GALNT9: variants seen among roughly 807,000 people sequenced by gnomAD.
GALNT9 encodes the protein polypeptide N-acetylgalactosaminyltransferase 9, also known as GalNAc transferase 9.
A neutral mutation model predicts 63.1 loss-of-function variants in GALNT9; 47 were observed. That is an observed-to-expected ratio of 0.75 (90% CI 0.59 to 0.95). The LOEUF (loss-of-function observed/expected upper bound fraction) is 0.95, where lower values mean the gene tolerates loss of function less well. GALNT9 is among the 40% of genes least tolerant of loss of function. The pLI is 0.00. For missense variants in GALNT9, 829 were observed against 874.8 expected (o/e 0.95, Z 0.66); for synonymous variants, 396 against 365.7 (o/e 1.08, Z -0.94).
intron 1 of GALNT9, among the ~76,000 whole-genome samples, chr12:132,324,383 C>T (rs1450003861): frequency 1.3e-5 from 2 of 152,216 alleles, no homozygotes; most frequent in African/African-American, 4.8e-5. Flanking sequence ...CTGTGAGCTC[C>T]TACCTGGCCC....
chr12:132,240,700 A>G lies in GALNT9; in HGVS notation c.1077+7210T>C, dbSNP rs1172906695. The G allele has an allele frequency of 4.6e-5, 21 of 455,654 alleles. No homozygotes were observed. In the Admixed American group the frequency reaches 4.7e-4, roughly 10 times the overall value. The allele number at this position is 455,654 out of a possible 1,614,324, so 28.2% of individuals were successfully genotyped here. A position where few individuals can be genotyped will look rare whatever the true frequency, so the allele number is the denominator to read the frequency against. On this transcript the variant is annotated intron_variant, in intron 6 of 10. Coordinates refer to ENST00000328957, the MANE Select transcript of GALNT9 (RefSeq NM_001122636.2). ...TCCTCTTTTATTCTGTTTATAATTT[A>G]CCTTATCTTGCTGGAACCCTTCTGT...
At position 132,329,406 on chromosome 12, in the gene GALNT9, G is replaced by A. The variant is rs1869200249; in HGVS notation, c.-203C>T. 8.2e-6 allele frequency: 5 copies of A among 607,218 alleles called. No individual in the cohort carries two copies. Among genetic ancestry groups the A allele is most frequent in the Non-Finnish European group, 1.2e-5 (5 of 431,616 alleles). 37.6% of individuals were successfully genotyped at this position (607,218 alleles called of 1,614,324 possible). The stretch of plus-strand genomic sequence containing the variant: ...TCCCCCAGAGCGCAGAGGGCTGCCC[G>A]GGGCTGGGGTCGCGGGGCGCGGCCG... On this transcript the variant is annotated 5_prime_UTR_variant, in exon 1 of 11. Coordinates refer to ENST00000328957, the MANE Select transcript of GALNT9 (RefSeq NM_001122636.2).
At chr12:132,308,804 G>A (rs906198066) in intron 1 of GALNT9, among the ~76,000 whole-genome samples, 1 of 152,154 alleles carries the variant, frequency 6.6e-6, no homozygotes, top group Admixed American at 6.5e-5. Context: ...TCTGAGCCAC[G>A]TGTGCACCGG....
At chr12:132,228,665 A>G (rs1300760862) in intron 6 of GALNT9, among the ~76,000 whole-genome samples, 1 of 152,110 alleles carries the variant, frequency 6.6e-6, no homozygotes, top group African/African-American at 2.4e-5. Flanking sequence ...TCGAGGGTCC[A>G]GGAGGTGCCT....
Position 132,316,852 on chromosome 12 carries a change from C to T in GALNT9, c.238+12114G>A, listed in dbSNP as rs1347284779. 6.6e-6 allele frequency among the ~76,000 whole-genome samples: 1 copy of T among 151,918 alleles called. No homozygotes were observed. The highest frequency in any genetic ancestry group is 1.5e-5 in the Non-Finnish European group (1 of 67,950). ...CACCTGGGGAGGGGTGGGGCAGCTA[C>T]CAGCATCTAGTGGTTGGAGGCCAGG... On this transcript the variant is annotated intron_variant, in intron 1 of 10. Transcript: ENST00000328957. This position sits in a 1 kb window ranked among gnomAD's most constrained non-coding sequence, Gnocchi z 4.3.
chr12:132,213,005 C>G (rs541783995), intron 6 of GALNT9, among the ~76,000 whole-genome samples: 1 of 146,216 alleles, frequency 6.8e-6, no homozygotes. Context: ...GACCGTGACA[C>G]GGAAACCCCA....
At chr12:132,275,089 A>G (rs1880030653) in intron 2 of GALNT9, 1 of 152,450 alleles carries the variant, frequency 6.6e-6, no homozygotes, top group Non-Finnish European at 1.5e-5. Flanking sequence ...CCAGCCCGGC[A>G]TGCAGGGCAT....
At chr12:132,243,292 G>A in intron 6 of GALNT9, among the ~76,000 whole-genome samples, 1 of 134,932 alleles carries the variant, frequency 7.4e-6, no homozygotes, top group East Asian at 2.1e-4. Context: ...ACACTTCCCG[G>A]GGCCCTCCCT....
chr12:132,289,714 A>G (rs1555242523), intron 1 of GALNT9, among the ~76,000 whole-genome samples: 3 of 152,204 alleles, frequency 2.0e-5, no homozygotes, highest in Admixed American at 6.5e-5. Context: ...AGACGCTGCC[A>G]TTCCCATCCT....
intron 6 of GALNT9, among the ~76,000 whole-genome samples, chr12:132,227,143 C>A (rs971230018): frequency 6.6e-6 from 1 of 152,076 alleles, no homozygotes; most frequent in Non-Finnish European, 1.5e-5. Flanking sequence ...TCAGTAATTT[C>A]GCTTCTAGAA....
intron 6 of GALNT9, among the ~76,000 whole-genome samples, chr12:132,213,566 C>G (rs1877059592): frequency 6.6e-6 from 1 of 152,064 alleles, no homozygotes; most frequent in Admixed American, 6.6e-5. Context: ...CAGTCACACA[C>G]AGGCACTCCC....
At chr12:132,256,439 C>A (rs782305674) in intron 5 of GALNT9, among the ~76,000 whole-genome samples, 3 of 151,656 alleles carry the variant, frequency 2.0e-5, no homozygotes, top group Non-Finnish European at 4.4e-5. Context: ...CACCTGCTGA[C>A]GCATATGAGG....
chr12:132,293,609 T>G (rs1343954567), intron 1 of GALNT9, among the ~76,000 whole-genome samples: 1 of 152,174 alleles, frequency 6.6e-6, no homozygotes, highest in African/African-American at 2.4e-5. Flanking sequence ...AGCACAAAAA[T>G]GTAGACAACG....
At chr12:132,199,321 C>T in intron 8 of GALNT9, 52 bp from the exon 9 acceptor site, 2 of 1,305,306 alleles carry the variant, frequency 1.5e-6, no homozygotes, top group East Asian at 2.3e-5. Flanking sequence ...GGGTGCGGCC[C>T]CAGGGAGCTT....
chr12:132,203,349 CCTGCACACACAA>C (rs1211773523), intron 7 of GALNT9, among the ~76,000 whole-genome samples, 144 bp downstream of exon 7: 2 of 151,608 alleles, frequency 1.3e-5, no homozygotes, highest in East Asian at 3.9e-4. Context: ...CCCACTCACA[CCTGCACACACAA>C]CTGCTTGCAC....
chr12:132,228,262 A>C (rs890384109), intron 6 of GALNT9, among the ~76,000 whole-genome samples: 26 of 151,144 alleles, frequency 1.7e-4, no homozygotes, highest in Admixed American at 6.6e-4. Context: ...TGACACCTGC[A>C]TCCCTCCCCG....
chr12:132,267,829 TCA>T (rs1330214908), intron 2 of GALNT9, among the ~76,000 whole-genome samples: 4 of 57,544 alleles, frequency 7.0e-5, no homozygotes, highest in East Asian at 5.3e-4. Flanking sequence ...ACACATGCAG[TCA>T]CACACATGCA....
At chr12:132,301,032 T>A (rs1008557204) in intron 1 of GALNT9, among the ~76,000 whole-genome samples, 6 of 152,266 alleles carry the variant, frequency 3.9e-5, no homozygotes, top group Admixed American at 2.6e-4. Flanking sequence ...GCACAAGCTT[T>A]GCTTCCTTTA....
At chr12:132,226,125 C>A (rs1249758774) in intron 6 of GALNT9, among the ~76,000 whole-genome samples, 2 of 148,172 alleles carry the variant, frequency 1.3e-5, no homozygotes, top group Non-Finnish European at 3.0e-5. Flanking sequence ...ATCCCACACA[C>A]CCCACACTGT....
Sources: gnomAD v4.1 joint callset for allele counts (sites outside exome capture counted in the v4.1 genomes callset) on GRCh38, gnomAD v4.1.1 for gene constraint, Gnocchi (gnomAD v3.1) non-coding constraint, MANE v1.5 for transcripts, NCBI Gene and HGNC (gene_info 2026-07-23, HGNC 2026-07-21) for gene names.